ELAPOR1: variants seen among roughly 807,000 people sequenced by gnomAD.
ELAPOR1 encodes endosome-lysosome associated apoptosis and autophagy regulator 1, also known as endosome/lysosome-associated apoptosis and autophagy regulator 1.
Under a neutral mutation model 119.7 loss-of-function variants are expected in ELAPOR1, and 77 were observed. The ratio of observed to expected loss-of-function variants is 0.64; its 90% CI spans 0.54 to 0.78. The LOEUF (loss-of-function observed/expected upper bound fraction) is 0.78, where lower values mean the gene tolerates loss of function less well. Ranked by LOEUF, ELAPOR1 falls within the 30% of genes least tolerant of loss-of-function variation. The pLI, the probability that ELAPOR1 is intolerant of heterozygous loss-of-function variation, is 0.00. For missense variants in ELAPOR1, 1,115 were observed against 1,270.4 expected (o/e 0.88, Z 1.86); for synonymous variants, 481 against 487.2 (o/e 0.99, Z 0.17).
chr1:109,185,077 G>T lies in ELAPOR1; in HGVS notation c.985G>T (p.Ala329Ser). The change falls in exon 8 of 22, where the codon GCT (alanine) becomes TCT (serine). Residue 329 changes from alanine (A) to serine (S), a missense_variant. Ala to Ser is a moderately conservative substitution (Grantham distance 99). Transcript: ENST00000369939. ...ATCTTCTTCCTGTAACGTGCGCCCA[G>T]CTTGCACAGACAAAGATTATTTCTA... ...KGSSSCNVRPACTDKDYFYTH... is the reference protein window; with the variant it reads ...KGSSSCNVRPSCTDKDYFYTH... The T allele has an allele frequency of 3.7e-6, 6 of 1,614,164 alleles. No individual in the cohort carries two copies. Among genetic ancestry groups the T allele is most frequent in the Non-Finnish European group, 5.1e-6 (6 of 1,180,000 alleles).
At chr1:109,172,060 G>C in intron 4 of ELAPOR1, 47 bp downstream of exon 4, 1 of 1,604,626 alleles carries the variant, frequency 6.2e-7, no homozygotes, top group Non-Finnish European at 8.5e-7. Context: ...AAGCCTCTCT[G>C]GGGTTCAGAT....
In ELAPOR1 at chr1:109,192,867, A is replaced by G; in HGVS notation, c.1940A>G (p.Asn647Ser). 1 of 1,613,810 alleles carries G rather than the reference A, an allele frequency of 6.2e-7. No individual in the cohort carries two copies. The highest frequency in any genetic ancestry group is 2.2e-5 in the East Asian group (1 of 44,858). The change falls in exon 14 of 22, where the codon AAC (asparagine) becomes AGC (serine). Residue 647 changes from asparagine to serine, a missense_variant. Physicochemically the swap from Asn to Ser is conservative, Grantham distance 46. Transcript: ENST00000369939. ...GTGCCCTGTGGTCCAGGGACCAAGA[A>G]CAACAAGGTACCTGTAGTCTGGCAT... ...ACVPCGPGTK[N>S]NKIHSLCYND... is the part of the protein sequence containing the mutation.
At chr1:109,144,062 T>TTTA (rs1650027818) in intron 1 of ELAPOR1, among the ~76,000 whole-genome samples, 1 of 36,576 alleles carries the variant, frequency 2.7e-5, no homozygotes, top group Non-Finnish European at 6.5e-5. Context: ...TATTTATATA[T>TTTA]TTTTTTTTTT....
chr1:109,116,279 T>C (rs1647990626), intron 1 of ELAPOR1, among the ~76,000 whole-genome samples: 1 of 152,208 alleles, frequency 6.6e-6, no homozygotes, highest in South Asian at 2.1e-4. Flanking sequence ...GTCCTGTTAC[T>C]TACCACGTGG....
At chr1:109,188,469 G>A in intron 9 of ELAPOR1, 115 bp downstream of exon 9, 1 of 1,240,100 alleles carries the variant, frequency 8.1e-7, no homozygotes, top group South Asian at 1.5e-5. Flanking sequence ...AGGCAGTAAG[G>A]AATAAGGACC....
intron 1 of ELAPOR1, among the ~76,000 whole-genome samples, chr1:109,123,875 C>T (rs1244229555): frequency 6.6e-6 from 1 of 151,588 alleles, no homozygotes; most frequent in Non-Finnish European, 1.5e-5. Context: ...CGATCTTGGC[C>T]CACTGCAACC....
chr1:109,174,876 C>T (rs566747669), intron 7 of ELAPOR1, among the ~76,000 whole-genome samples: 58 of 152,242 alleles, frequency 3.8e-4, no homozygotes, highest in African/African-American at 1.2e-3. Context: ...CCACTGCGCC[C>T]GGCTAATTTT....
In ELAPOR1 at chr1:109,192,517, A is replaced by G. The variant is rs566181823; in HGVS notation, c.1684-94A>G. 934 of 1,291,788 alleles carry G rather than the reference A, an allele frequency of 7.2e-4. 21 individuals are homozygous for G. In the South Asian group the frequency reaches 0.012, roughly 17 times the overall value. 80.0% of individuals were successfully genotyped at this position (1,291,788 alleles called of 1,614,324 possible). On this transcript the variant is annotated intron_variant, in intron 13 of 21. Transcript: ENST00000369939. ...TCAGATTCTTCTTAAGTATCACAGG[A>G]TAGAAGATTAAGTACCTTGCTCTTT...
At chr1:109,130,224 G>A (rs186156576) in intron 1 of ELAPOR1, among the ~76,000 whole-genome samples, 69 of 152,280 alleles carry the variant, frequency 4.5e-4, no homozygotes, top group Non-Finnish European at 6.8e-4. Flanking sequence ...GAGCTCCAGG[G>A]TGGGCAGGAA....
At chr1:109,146,089 A>G (rs778644446) in intron 1 of ELAPOR1, among the ~76,000 whole-genome samples, 43 of 152,168 alleles carry the variant, frequency 2.8e-4, no homozygotes, top group Non-Finnish European at 1.8e-4. Context: ...AGGCAGGTGA[A>G]ACACTTGAGC....
At chr1:109,145,877 G>A (rs1650146837) in intron 1 of ELAPOR1, among the ~76,000 whole-genome samples, 1 of 152,068 alleles carries the variant, frequency 6.6e-6, no homozygotes, top group South Asian at 2.1e-4. Flanking sequence ...AGAATAGAAT[G>A]AGAAATAGAA....
At chr1:109,149,035 G>A (rs1024053092) in intron 1 of ELAPOR1, among the ~76,000 whole-genome samples, 1 of 152,180 alleles carries the variant, frequency 6.6e-6, no homozygotes. Flanking sequence ...AGCGACCAGG[G>A]TTTCTCTTGG....
At chr1:109,176,664 G>C (rs1209507687) in intron 7 of ELAPOR1, among the ~76,000 whole-genome samples, 1 of 146,606 alleles carries the variant, frequency 6.8e-6, no homozygotes, top group Non-Finnish European at 1.5e-5. Context: ...GGGGGATTTG[G>C]CAGGGTCACA....
intron 7 of ELAPOR1, among the ~76,000 whole-genome samples, chr1:109,183,645 G>C (rs1652881940): frequency 2.1e-5 from 1 of 48,642 alleles, no homozygotes; most frequent in Non-Finnish European, 4.2e-5. Flanking sequence ...TCCTAACAGA[G>C]TCTCTCTCCA....
At chr1:109,155,287 TGCCTCA>T (rs199653384) in intron 1 of ELAPOR1, among the ~76,000 whole-genome samples, 2,284 of 152,274 alleles carry the variant, frequency 0.015, 66 homozygotes, top group African/African-American at 0.052. Flanking sequence ...GCCATTCTCC[TGCCTCA>T]GCCTCCTGAG....
At chr1:109,174,371 C>CCACA (rs1652113196) in intron 7 of ELAPOR1, among the ~76,000 whole-genome samples, 1 of 123,396 alleles carries the variant, frequency 8.1e-6, no homozygotes, top group South Asian at 2.7e-4. Context: ...CATGATCACA[C>CCACA]CACTGCACTA....
At position 109,188,305 on chromosome 1, in the gene ELAPOR1, C is replaced by A. The variant is rs528894359; in HGVS notation, c.1170C>A (p.Asn390Lys). 7 of 1,614,190 alleles carry A rather than the reference C, an allele frequency of 4.3e-6. No individual in the cohort carries two copies. The highest frequency in any genetic ancestry group is 1.6e-4 in the Middle Eastern group (1 of 6,062). Residue 390 changes from asparagine (N) to lysine (K), a missense_variant, in exon 9 of 22, where the codon AAC (asparagine) becomes AAA (lysine). Transcript: ENST00000369939. ...GCAACCCAGGCTTCTTCAAAACCAA[C>A]AACAGCACCTGCCAGCCCTGCCCAT... is the stretch of plus-strand genomic sequence containing the variant. ...PPCNPGFFKT[N>K]NSTCQPCPYG...
At position 109,194,548 on chromosome 1, in the gene ELAPOR1, G is replaced by T. The variant is rs748734615; in HGVS notation, c.2075G>T (p.Gly692Val). 1.9e-6 allele frequency: 3 copies of T among 1,613,906 alleles called. No individual in the cohort carries two copies. In the Admixed American group the frequency reaches 5.0e-5, roughly 27 times the overall value. ...LAGGPSFTSKGLKYFHHFTLS... is the reference protein window; with the variant it reads ...LAGGPSFTSKVLKYFHHFTLS... ...GGAGGGCCAAGCTTCACTTCCAAAG[G>T]GCTGAAATACTTCCATCACTTTACC... The change falls in exon 15 of 22, where the codon GGG becomes GTG. Residue 692 changes from glycine to valine, a missense_variant. Coordinates refer to ENST00000369939, the MANE Select transcript of ELAPOR1 (RefSeq NM_020775.5).
chr1:109,137,899 GATCTTC>G (rs1649579804), intron 1 of ELAPOR1, among the ~76,000 whole-genome samples: 1 of 152,190 alleles, frequency 6.6e-6, no homozygotes, highest in African/African-American at 2.4e-5. Flanking sequence ...ACACAAGAAA[GATCTTC>G]ATTCTTTTCT....
Sources: gnomAD v4.1 joint callset for allele counts (sites outside exome capture counted in the v4.1 genomes callset) on GRCh38, gnomAD v4.1.1 for gene constraint, MANE v1.5 for transcripts, NCBI Gene and HGNC (gene_info 2026-07-23, HGNC 2026-07-21) for gene names.